Variants in MYLK4 observed in about 807,000 individuals in gnomAD.
MYLK4 encodes the protein caMLCK like.
In MYLK4, 46 loss-of-function variants were observed where a neutral mutation model predicts 48.1. The ratio of observed to expected loss-of-function variants is 0.96; its 90% CI spans 0.75 to 1.22. The LOEUF (loss-of-function observed/expected upper bound fraction) is 1.22. Among genes scored for constraint, MYLK4 ranks in the 50% most tolerant of loss-of-function variants. MYLK4 has a pLI of 0.00. For synonymous variants in MYLK4, 170 were observed against 180.8 expected (o/e 0.94, Z 0.48); for missense variants, 451 against 486.1 (o/e 0.93, Z 0.68).
chr6:2,681,786 C>T (rs1418272615), intron 7 of MYLK4, among the ~76,000 whole-genome samples: 1 of 152,184 alleles, frequency 6.6e-6, no homozygotes, highest in African/African-American at 2.4e-5. Context: ...ATAACTAAAA[C>T]TGCCCACTGC....
At chr6:2,766,862 C>T in the MYLK4 span, among the ~76,000 whole-genome samples, 1 of 148,502 alleles carries the variant, frequency 6.7e-6, no homozygotes, top group African/African-American at 2.5e-5. Flanking sequence ...ATAACGGATT[C>T]AGCTTTGAAA....
intron 3 of MYLK4, among the ~76,000 whole-genome samples, chr6:2,689,957 A>G (rs1761708966): frequency 6.7e-6 from 1 of 148,410 alleles, no homozygotes; most frequent in Non-Finnish European, 1.5e-5. Context: ...CTGAAAACTG[A>G]AGTCACCAGA....
At chr6:2,710,839 G>C (rs528832813) in intron 2 of MYLK4, among the ~76,000 whole-genome samples, 2 of 152,328 alleles carry the variant, frequency 1.3e-5, no homozygotes, top group Admixed American at 6.5e-5. Context: ...ACAGGATGAA[G>C]GGCTGTGTCA....
the MYLK4 span, chr6:2,770,086 G>A: frequency 2.5e-6 from 4 of 1,611,826 alleles, no homozygotes; most frequent in African/African-American, 1.3e-5. Context: ...CTGTTGACTG[G>A]AATCACTTTT....
chr6:2,713,405 A>G (rs970180235), intron 2 of MYLK4, among the ~76,000 whole-genome samples: 1 of 151,954 alleles, frequency 6.6e-6, no homozygotes, highest in African/African-American at 2.4e-5. Flanking sequence ...AGAAAAGAAA[A>G]GCAACATAAA....
intron 11 of MYLK4, among the ~76,000 whole-genome samples, chr6:2,671,760 G>A (rs9328113): frequency 0.23 from 34,394 of 152,178 alleles, 4,462 homozygotes; most frequent in Non-Finnish European, 0.3. Flanking sequence ...AGTAGACAAC[G>A]GTAATGTGAA....
intron 2 of MYLK4, among the ~76,000 whole-genome samples, chr6:2,730,040 AGTGGTTC>A (rs1435502063): frequency 1.1e-4 from 17 of 152,232 alleles, no homozygotes; most frequent in African/African-American, 4.1e-4. Context: ...ATAAAATGTC[AGTGGTTC>A]GACAATAATG....
At chr6:2,738,230 T>A (rs191095057) in intron 2 of MYLK4, among the ~76,000 whole-genome samples, 2 of 152,234 alleles carry the variant, frequency 1.3e-5, no homozygotes, top group East Asian at 3.9e-4. Context: ...ACAGGATAAA[T>A]TTTGGATTAC....
chr6:2,701,461 C>A (rs971658308), intron 2 of MYLK4, among the ~76,000 whole-genome samples: 2 of 152,080 alleles, frequency 1.3e-5, no homozygotes. Flanking sequence ...TGCGCTTAGA[C>A]TCAAGGAGTA....
At chr6:2,770,216 C>T in the MYLK4 span, 31 of 1,614,056 alleles carry the variant, frequency 1.9e-5, no homozygotes, top group East Asian at 2.9e-4. Context: ...TCTTCTGAGC[C>T]GCTGTCGAGT....
chr6:2,708,614 T>C (rs529149274), intron 2 of MYLK4, among the ~76,000 whole-genome samples: 38 of 152,326 alleles, frequency 2.5e-4, no homozygotes, highest in African/African-American at 9.1e-4. Context: ...AGCTCTCAAC[T>C]CTCACAAAGG....
At chr6:2,737,080 C>T (rs1763705861) in intron 2 of MYLK4, among the ~76,000 whole-genome samples, 4 of 152,116 alleles carry the variant, frequency 2.6e-5, no homozygotes, top group South Asian at 2.1e-4. Context: ...TTTGGGAGGC[C>T]GAGGTGGGCA....
intron 2 of MYLK4, among the ~76,000 whole-genome samples, chr6:2,699,067 C>T (rs774567299): frequency 1.3e-5 from 2 of 152,104 alleles, no homozygotes; most frequent in Non-Finnish European, 2.9e-5. Context: ...TTTCCATGCA[C>T]CCACAATTAT....
At chr6:2,749,104 C>T (rs1265064735) in intron 2 of MYLK4, 32 bp downstream of exon 2, 13 of 1,597,890 alleles carry the variant, frequency 8.1e-6, no homozygotes, top group African/African-American at 1.3e-5. Flanking sequence ...AGAATGAATA[C>T]TTTTTAGGAG....
chr6:2,667,033 T>C lies in MYLK4; in HGVS notation c.*892A>G, dbSNP rs1336315081. On this transcript the variant is annotated 3_prime_UTR_variant, in exon 13 of 13. Coordinates refer to ENST00000274643, the MANE Select transcript of MYLK4 (RefSeq NM_001012418.5). Reference sequence around the variant, plus strand: ...CTTCAATGTTGAAAGCTCAGTGCTATCTTGCTCCAGGAGGTGCAGATCCGT... The same window carrying C: ...CTTCAATGTTGAAAGCTCAGTGCTACCTTGCTCCAGGAGGTGCAGATCCGT... 1 of 151,988 alleles carries C rather than the reference T, an allele frequency of 6.6e-6. No homozygotes were observed. The highest frequency in any genetic ancestry group is 1.5e-5 in the Non-Finnish European group (1 of 68,060). 9.4% of individuals were successfully genotyped at this position (151,988 alleles called of 1,614,324 possible).
intron 2 of MYLK4, among the ~76,000 whole-genome samples, chr6:2,717,467 T>A (rs1762908922): frequency 1.3e-5 from 2 of 152,290 alleles, no homozygotes; most frequent in Middle Eastern, 6.8e-3. Context: ...ACAATATGGC[T>A]GTTGGGCGTT....
intron 2 of MYLK4, among the ~76,000 whole-genome samples, chr6:2,694,487 G>GACCAT (rs1761941187): frequency 1.2e-5 from 1 of 86,924 alleles, no homozygotes; most frequent in African/African-American, 3.8e-5. Flanking sequence ...TGATGGTAGT[G>GACCAT]GTCATGGTGG....
intron 2 of MYLK4, among the ~76,000 whole-genome samples, chr6:2,720,966 G>T (rs1398792996): frequency 2.0e-5 from 3 of 151,978 alleles, no homozygotes; most frequent in Non-Finnish European, 2.9e-5. Flanking sequence ...TTGGAGACCA[G>T]CCTGACCAAC....
chr6:2,758,999 C>T, the MYLK4 span, among the ~76,000 whole-genome samples: 1 of 152,210 alleles, frequency 6.6e-6, no homozygotes, highest in Non-Finnish European at 1.5e-5. Flanking sequence ...TATAAGAATT[C>T]TCCTGTTGCT....
Sources: gnomAD v4.1 joint callset for allele counts (sites outside exome capture counted in the v4.1 genomes callset) on GRCh38, gnomAD v4.1.1 for gene constraint, MANE v1.5 for transcripts, NCBI Gene and HGNC (gene_info 2026-07-23, HGNC 2026-07-21) for gene names.